The following PDE6D variants were observed in gnomAD, a reference collection of about 807,000 sequenced individuals.
PDE6D encodes retinal rod rhodopsin-sensitive cGMP 3',5'-cyclic phosphodiesterase subunit delta.
Under a neutral mutation model 21.9 loss-of-function variants are expected in PDE6D, and 10 were observed. The observed-to-expected ratio is 0.46, with a 90% CI of 0.28 to 0.78. PDE6D has a LOEUF of 0.78. PDE6D is among the 30% of genes least tolerant of loss of function. The pLI, the probability that PDE6D is intolerant of heterozygous loss-of-function variation, is 0.12. For synonymous variants in PDE6D, 59 were observed against 63.5 expected (o/e 0.93, Z 0.34); for missense variants, 139 against 184.8 (o/e 0.75, Z 1.44).
At chr2:231,748,907 G>A (rs1559317105) in intron 1 of PDE6D, among the ~76,000 whole-genome samples, 1 of 152,196 alleles carries the variant, frequency 6.6e-6, no homozygotes, top group Admixed American at 6.5e-5. Flanking sequence ...GGGAACCTCC[G>A]CCTGGAGTTT....
intron 1 of PDE6D, among the ~76,000 whole-genome samples, chr2:231,747,156 T>C (rs2048800586): frequency 2.0e-5 from 3 of 152,316 alleles, no homozygotes; most frequent in East Asian, 3.9e-4. Flanking sequence ...AGTGGTGCGA[T>C]CTCGGCTCAC....
chr2:231,766,993 CAAAAA>C (rs3038045), intron 1 of PDE6D, among the ~76,000 whole-genome samples: 6 of 36,670 alleles, frequency 1.6e-4, no homozygotes, highest in African/African-American at 3.3e-4. Flanking sequence ...GACTCCGTCT[CAAAAA>C]AAAAAAAAAA....
chr2:231,772,579 G>T (rs1001444357), intron 1 of PDE6D, among the ~76,000 whole-genome samples: 2 of 152,180 alleles, frequency 1.3e-5, no homozygotes, highest in African/African-American at 4.8e-5. Flanking sequence ...CTAGGCTTTA[G>T]CTCAGGAATA....
intron 4 of PDE6D, among the ~76,000 whole-genome samples, chr2:231,734,447 A>G (rs1421032483): frequency 1.5e-5 from 2 of 136,784 alleles, no homozygotes; most frequent in African/African-American, 5.5e-5. Flanking sequence ...GAAGTTTAAT[A>G]AAATCTAAAA....
At chr2:231,737,854 T>G in intron 3 of PDE6D, 159 bp downstream of exon 3, 1 of 685,908 alleles carries the variant, frequency 1.5e-6, no homozygotes. Flanking sequence ...TTTGGTTTGT[T>G]TCACTGGGGA....
intron 1 of PDE6D, among the ~76,000 whole-genome samples, chr2:231,754,301 ACAAAT>A (rs1345322033): frequency 1.3e-5 from 2 of 152,048 alleles, no homozygotes; most frequent in East Asian, 3.8e-4. Flanking sequence ...TCTCTCTAAA[ACAAAT>A]CATCTCAATA....
At position 231,759,741 on chromosome 2, in the gene PDE6D, A is replaced by T. The variant is rs141024067; in HGVS notation, c.51-20553T>A. On this transcript the variant is annotated intron_variant, in intron 1 of 4. Transcript: ENST00000287600. ...CCCAGGAGTATAAGTCTCCCGTGGC[A>T]GTGCTTTAGGAACTAACAACAAACA... 1.4e-3 allele frequency among the ~76,000 whole-genome samples: 211 copies of T among 152,262 alleles called. 3 individuals carry two copies. The highest frequency in any genetic ancestry group is 4.8e-3 in the African/African-American group (198 of 41,528).
chr2:231,753,456 C>G (rs910775424), intron 1 of PDE6D, among the ~76,000 whole-genome samples: 2 of 152,022 alleles, frequency 1.3e-5, no homozygotes, highest in African/African-American at 4.8e-5. Context: ...GAGGGTGAGG[C>G]GGGAGAATGG....
At chr2:231,745,166 G>C (rs1252727841) in intron 1 of PDE6D, among the ~76,000 whole-genome samples, 1 of 151,866 alleles carries the variant, frequency 6.6e-6, no homozygotes, top group Non-Finnish European at 1.5e-5. Flanking sequence ...AATGAGAAAA[G>C]CTGGTCCTCA....
At chr2:231,746,759 C>T (rs1013825838) in intron 1 of PDE6D, among the ~76,000 whole-genome samples, 1 of 151,850 alleles carries the variant, frequency 6.6e-6, no homozygotes, top group Non-Finnish European at 1.5e-5. Context: ...AAAAGAAACA[C>T]GGGGGACACA....
intron 1 of PDE6D, among the ~76,000 whole-genome samples, chr2:231,764,220 A>G (rs2048953083): frequency 6.6e-6 from 1 of 152,000 alleles, no homozygotes; most frequent in African/African-American, 2.4e-5. Flanking sequence ...GGAGTTTGAT[A>G]CCAGCTTGGG....
intron 1 of PDE6D, among the ~76,000 whole-genome samples, chr2:231,750,547 C>T (rs1385840518): frequency 1.3e-5 from 2 of 150,258 alleles, no homozygotes; most frequent in African/African-American, 4.9e-5. Flanking sequence ...CTTTGTTGCC[C>T]AGGCTGGAGT....
At chr2:231,762,862 G>T (rs1164159351) in intron 1 of PDE6D, among the ~76,000 whole-genome samples, 1 of 152,068 alleles carries the variant, frequency 6.6e-6, no homozygotes, top group Non-Finnish European at 1.5e-5. Flanking sequence ...ACTTTGGGAG[G>T]CCAAGCCGGG....
At chr2:231,752,368 T>C (rs1005660919) in intron 1 of PDE6D, among the ~76,000 whole-genome samples, 1 of 152,228 alleles carries the variant, frequency 6.6e-6, no homozygotes, top group African/African-American at 2.4e-5. Context: ...ACAGATAATA[T>C]GAAGGCCTTA....
intron 3 of PDE6D, 78 bp from the exon 4 acceptor site, chr2:231,737,370 G>T: frequency 1.4e-6 from 1 of 726,960 alleles, no homozygotes; most frequent in Non-Finnish European, 2.4e-6. Context: ...CCTCTCTAGA[G>T]TGAGCCTCTT....
At chr2:231,774,094 T>G (rs1364094422) in intron 1 of PDE6D, among the ~76,000 whole-genome samples, 1 of 151,970 alleles carries the variant, frequency 6.6e-6, no homozygotes, top group Non-Finnish European at 1.5e-5. Flanking sequence ...CCACTACGCC[T>G]GACTAATTTT....
At chr2:231,780,818 C>A (rs986263723) in intron 1 of PDE6D, among the ~76,000 whole-genome samples, 1 of 152,170 alleles carries the variant, frequency 6.6e-6, no homozygotes, top group African/African-American at 2.4e-5. Context: ...GTCCCCCAGG[C>A]TCCCCCGTCT....
intron 1 of PDE6D, among the ~76,000 whole-genome samples, chr2:231,747,501 T>A (rs1263842081): frequency 1.3e-5 from 2 of 152,258 alleles, no homozygotes; most frequent in Non-Finnish European, 2.9e-5. Flanking sequence ...ATGTGTTAGC[T>A]ATTATTATTA....
intron 1 of PDE6D, among the ~76,000 whole-genome samples, chr2:231,747,692 A>C (rs1007983851): frequency 6.6e-6 from 1 of 152,156 alleles, no homozygotes; most frequent in Non-Finnish European, 1.5e-5. Context: ...TCCATGGTCT[A>C]CAAGGCCCCT....
Sources: allele counts gnomAD v4.1 joint callset (sites outside exome capture counted in the v4.1 genomes callset), GRCh38; gene constraint gnomAD v4.1.1; transcripts MANE v1.5; gene names NCBI Gene and HGNC (gene_info 2026-07-23, HGNC 2026-07-21).